The following AGBL1 variants were observed in gnomAD, a reference collection of about 807,000 sequenced individuals.
The protein encoded by AGBL1 is cytosolic carboxypeptidase 4.
Under a neutral mutation model 118.9 loss-of-function variants are expected in AGBL1, and 130 were observed. The observed-to-expected ratio is 1.09, with a 90% CI of 0.95 to 1.26. The LOEUF (loss-of-function observed/expected upper bound fraction) is 1.26. Among genes scored for constraint, AGBL1 ranks in the 50% most tolerant of loss-of-function variants. AGBL1 has a pLI of 0.00. For synonymous variants in AGBL1, 555 were observed against 478.9 expected (o/e 1.16, Z -2.08); for missense variants, 1,584 against 1,298.1 (o/e 1.22, Z -3.38).
At chr15:86,118,885 A>G (rs892659722) in intron 1 of AGBL1, among the ~76,000 whole-genome samples, 2 of 152,188 alleles carry the variant, frequency 1.3e-5, no homozygotes, top group African/African-American at 2.4e-5. Flanking sequence ...AGCAACTCCC[A>G]TTTATGTAGC....
chr15:86,361,082 A>G (rs1384148213), intron 17 of AGBL1, among the ~76,000 whole-genome samples: 1 of 151,900 alleles, frequency 6.6e-6, no homozygotes, highest in Admixed American at 6.6e-5. Flanking sequence ...CTTCTTTTAT[A>G]ATGTAGACAT....
intron 22 of AGBL1, among the ~76,000 whole-genome samples, chr15:86,904,334 T>G (rs938780346): frequency 6.6e-6 from 1 of 151,590 alleles, no homozygotes; most frequent in Non-Finnish European, 1.5e-5. Flanking sequence ...TTTCAGTGTC[T>G]TCTTATTTTT....
intron 21 of AGBL1, among the ~76,000 whole-genome samples, chr15:86,632,463 T>G (rs952844789): frequency 1.3e-5 from 2 of 151,866 alleles, no homozygotes; most frequent in African/African-American, 4.8e-5. Context: ...AAAATGTTAA[T>G]CATGTCCATT....
chr15:87,023,337 T>C (rs897426889), intron 24 of AGBL1, among the ~76,000 whole-genome samples: 2 of 151,994 alleles, frequency 1.3e-5, no homozygotes, highest in African/African-American at 2.4e-5. Flanking sequence ...GCTATAGTTA[T>C]GTAAGAAAAA....
chr15:86,331,506 C>G (rs2080268387), intron 17 of AGBL1, among the ~76,000 whole-genome samples: 2 of 152,116 alleles, frequency 1.3e-5, no homozygotes. Flanking sequence ...AATCACCAGA[C>G]TGTCCAAGGT....
At chr15:86,151,348 T>G (rs1287007177) in intron 3 of AGBL1, among the ~76,000 whole-genome samples, 1 of 148,094 alleles carries the variant, frequency 6.8e-6, no homozygotes, top group Non-Finnish European at 1.5e-5. Flanking sequence ...GTCAGCTTCA[T>G]CCCTGGGATG....
rs201436812 is a variant in AGBL1, at chr15:86,143,469, G to A, written c.116-230G>A. On this transcript the variant is annotated intron_variant, in intron 2 of 22. Coordinates refer to ENST00000614907, the MANE Select transcript of AGBL1 (RefSeq NM_001386094.1). ...ATAAGCTCTATTTATTACAGCTGTTGCAGCTGAACACAACTAGGTTCTTAA... is the reference window on the plus strand; with the variant it reads ...ATAAGCTCTATTTATTACAGCTGTTACAGCTGAACACAACTAGGTTCTTAA... 7.2e-5 allele frequency among the ~76,000 whole-genome samples: 11 copies of A among 152,312 alleles called. No individual in the cohort carries two copies. The East Asian group carries it at 1.3e-3, about 19-fold the overall frequency.
chr15:86,196,592 G>A (rs1412533143), intron 5 of AGBL1, among the ~76,000 whole-genome samples: 1 of 152,208 alleles, frequency 6.6e-6, no homozygotes, highest in East Asian at 1.9e-4. Flanking sequence ...GCACAAAATT[G>A]GAGGGAGTTA....
intron 21 of AGBL1, among the ~76,000 whole-genome samples, chr15:86,669,579 G>A (rs927720292): frequency 1.3e-5 from 2 of 152,028 alleles, no homozygotes; most frequent in African/African-American, 4.8e-5. Flanking sequence ...CTAAATAAAA[G>A]AAATGAAAAT....
chr15:86,338,753 C>T (rs977883792), intron 17 of AGBL1, among the ~76,000 whole-genome samples: 4 of 152,106 alleles, frequency 2.6e-5, no homozygotes, highest in Admixed American at 6.6e-5. Flanking sequence ...CCAGGAAAAC[C>T]GGTGTAGAGA....
chr15:86,706,390 G>T (rs2086450478), intron 22 of AGBL1, among the ~76,000 whole-genome samples: 1 of 152,100 alleles, frequency 6.6e-6, no homozygotes, highest in African/African-American at 2.4e-5. Context: ...GCAGAACTCA[G>T]ATTCTTGGAC....
chr15:86,918,858 C>T (rs2080456380), downstream of AGBL1, among the ~76,000 whole-genome samples: 1 of 152,124 alleles, frequency 6.6e-6, no homozygotes, highest in Admixed American at 6.5e-5. Context: ...AAATATGTCC[C>T]CAACAAAATC....
At chr15:86,941,616 C>T (rs762216946) in intron 23 of AGBL1, among the ~76,000 whole-genome samples, 1 of 152,152 alleles carries the variant, frequency 6.6e-6, no homozygotes, top group Non-Finnish European at 1.5e-5. Flanking sequence ...GAGAAGCCAT[C>T]CTGGCAGATC....
chr15:86,634,916 ATC>A (rs1170671090), intron 21 of AGBL1, among the ~76,000 whole-genome samples: 1 of 152,030 alleles, frequency 6.6e-6, no homozygotes, highest in African/African-American at 2.4e-5. Context: ...TCTTTAAATT[ATC>A]TCTATAAGCA....
At chr15:86,217,284 A>G (rs950836151) in intron 5 of AGBL1, among the ~76,000 whole-genome samples, 2 of 152,206 alleles carry the variant, frequency 1.3e-5, no homozygotes, top group Non-Finnish European at 2.9e-5. Context: ...TCCTCAGTAA[A>G]TATTTGTTGA....
intron 23 of AGBL1, among the ~76,000 whole-genome samples, chr15:86,942,434 G>T (rs8029736): frequency 0.68 from 103,034 of 152,008 alleles, 35,940 homozygotes; most frequent in South Asian, 0.88. Context: ...TAAAAGATAT[G>T]TTTACATTCT....
chr15:86,983,473 C>T (rs1045102906), intron 23 of AGBL1, among the ~76,000 whole-genome samples: 2 of 151,960 alleles, frequency 1.3e-5, no homozygotes, highest in Non-Finnish European at 2.9e-5. Context: ...TCAGCAATAC[C>T]CCTGAAGGTC....
At chr15:86,257,729 G>T (rs2142016065) in intron 8 of AGBL1, among the ~76,000 whole-genome samples, 2 of 152,280 alleles carry the variant, frequency 1.3e-5, no homozygotes, top group East Asian at 1.9e-4. Flanking sequence ...CACTTATTTT[G>T]CATTCAATGT....
At chr15:86,523,841 G>T (rs2083223974) in intron 19 of AGBL1, among the ~76,000 whole-genome samples, 1 of 152,120 alleles carries the variant, frequency 6.6e-6, no homozygotes, top group Non-Finnish European at 1.5e-5. Context: ...ATAATAAAGA[G>T]AAAATGGCAG....
Sources: gnomAD v4.1 joint callset for allele counts (sites outside exome capture counted in the v4.1 genomes callset) on GRCh38, gnomAD v4.1.1 for gene constraint, MANE v1.5 for transcripts, NCBI Gene and HGNC (gene_info 2026-07-23, HGNC 2026-07-21) for gene names.